CABCOCO1: variants seen among roughly 807,000 people sequenced by gnomAD.
CABCOCO1 encodes ciliary associated calcium binding coiled-coil 1.
CABCOCO1 carries 28 observed loss-of-function variants against 35.7 expected under a neutral mutation model. The ratio of observed to expected loss-of-function variants is 0.78; its 90% CI spans 0.58 to 1.07. The LOEUF is 1.07. CABCOCO1 is among the 50% of genes least tolerant of loss of function. The pLI is 0.00. For missense variants in CABCOCO1, 326 were observed against 309.2 expected, an observed-to-expected ratio of 1.05 and a Z score of -0.41; for synonymous variants, 95 against 100.1, an observed-to-expected ratio of 0.95 and a Z score of 0.30.
At chr10:61,728,529 T>A (rs530772334) in intron 5 of CABCOCO1, among the ~76,000 whole-genome samples, 1 of 152,316 alleles carries the variant, frequency 6.6e-6, no homozygotes, top group East Asian at 1.9e-4. Context: ...TATTATCTCT[T>A]CACATTTATA....
chr10:61,724,069 C>T (rs1427366779), intron 5 of CABCOCO1, among the ~76,000 whole-genome samples: 1 of 151,972 alleles, frequency 6.6e-6, no homozygotes, highest in African/African-American at 2.4e-5. Context: ...AGTCCATTCA[C>T]GAAAGTAAGA....
rs1564532629 is a variant in CABCOCO1 at position 61,680,653 on chromosome 10, TATGTTATACA to T, written c.165-489_165-480del. ...CATGTTATACATATATAATATATAT[TATGTTATACA>T]TGTATAACATATATGTTATACATGT... On this transcript the variant is annotated intron_variant, in intron 2 of 7. Coordinates refer to ENST00000648843, the MANE Select transcript of CABCOCO1 (RefSeq NM_001366906.2). Among the ~76,000 whole-genome samples the T allele has an allele frequency of 7.4e-3, 179 of 24,184 alleles. 6 individuals carry two copies. Among genetic ancestry groups the T allele is most frequent in the South Asian group, 0.026 (12 of 468 alleles). 15.9% of individuals were successfully genotyped at this position (24,184 alleles called of 152,430 possible). A position where few individuals can be genotyped will look rare whatever the true frequency, so the allele number is the denominator to read the frequency against.
chr10:61,732,361 A>G (rs1841323306), intron 5 of CABCOCO1, among the ~76,000 whole-genome samples: 1 of 152,072 alleles, frequency 6.6e-6, no homozygotes, highest in Admixed American at 6.6e-5. Flanking sequence ...ATATGATGCC[A>G]TCAATGTCTA....
Position 61,764,915 on chromosome 10 carries a change from T to C in CABCOCO1, c.817-1024T>C, listed in dbSNP as rs1013274060. Reference sequence around the variant, plus strand: ...AGGCAGCATGGACATGTCACAACTATCTGTTATAGTTACACTCTTGTAAAT... The same window carrying C: ...AGGCAGCATGGACATGTCACAACTACCTGTTATAGTTACACTCTTGTAAAT... On this transcript the variant is annotated intron_variant, in intron 7 of 7. Coordinates refer to ENST00000648843, the MANE Select transcript of CABCOCO1 (RefSeq NM_001366906.2). Among the ~76,000 whole-genome samples, 8 of 152,176 alleles carry C rather than the reference T, an allele frequency of 5.3e-5. No homozygotes were observed. The East Asian group carries it at 5.8e-4, about 11-fold the overall frequency.
At chr10:61,708,349 T>G (rs1478176146) in intron 5 of CABCOCO1, among the ~76,000 whole-genome samples, 2 of 152,022 alleles carry the variant, frequency 1.3e-5, no homozygotes, top group Admixed American at 1.3e-4. Context: ...CAAGGACAAT[T>G]TACTTAACTG....
At chr10:61,684,857 A>T (rs1024504799) in intron 3 of CABCOCO1, 3 of 152,236 alleles carry the variant, frequency 2.0e-5, no homozygotes, top group African/African-American at 7.2e-5. Context: ...ATCTGTCACA[A>T]GTAACACTGA....
intron 1 of CABCOCO1, among the ~76,000 whole-genome samples, chr10:61,668,278 A>G (rs941273391): frequency 3.3e-5 from 5 of 151,986 alleles, no homozygotes; most frequent in African/African-American, 1.2e-4. Context: ...TAATTTTTAC[A>G]TCTGCATTGA....
chr10:61,668,107 C>T (rs531363886), intron 1 of CABCOCO1, among the ~76,000 whole-genome samples: 14 of 151,782 alleles, frequency 9.2e-5, no homozygotes, highest in African/African-American at 3.1e-4. Context: ...TTTAAATAAT[C>T]ATATAATTTG....
At chr10:61,747,495 A>G (rs1459378347) in intron 5 of CABCOCO1, among the ~76,000 whole-genome samples, 1 of 152,140 alleles carries the variant, frequency 6.6e-6, no homozygotes, top group African/African-American at 2.4e-5. Context: ...CAATGATACT[A>G]GCAATCTGAA....
At chr10:61,729,177 C>G (rs906128416) in intron 5 of CABCOCO1, among the ~76,000 whole-genome samples, 1 of 152,154 alleles carries the variant, frequency 6.6e-6, no homozygotes, top group Non-Finnish European at 1.5e-5. Context: ...AACAATACCT[C>G]ATTAACAATG....
At chr10:61,728,692 A>T (rs1206912503) in intron 5 of CABCOCO1, among the ~76,000 whole-genome samples, 1 of 152,160 alleles carries the variant, frequency 6.6e-6, no homozygotes, top group Non-Finnish European at 1.5e-5. Flanking sequence ...ATTTTGACCA[A>T]GCTAAGCTTC....
At chr10:61,703,155 A>G (rs1840502698) in intron 5 of CABCOCO1, among the ~76,000 whole-genome samples, 1 of 151,704 alleles carries the variant, frequency 6.6e-6, no homozygotes, top group African/African-American at 2.4e-5. Flanking sequence ...GATGCAACCT[A>G]CTTTCCCTTA....
chr10:61,679,433 C>T (rs1261535131), intron 2 of CABCOCO1, among the ~76,000 whole-genome samples: 1 of 152,144 alleles, frequency 6.6e-6, no homozygotes, highest in Non-Finnish European at 1.5e-5. Flanking sequence ...GGTGTGCAGG[C>T]TTGGAGCAGA....
intron 5 of CABCOCO1, among the ~76,000 whole-genome samples, chr10:61,694,409 G>A (rs894518277): frequency 1.3e-5 from 2 of 150,618 alleles, no homozygotes; most frequent in Admixed American, 6.7e-5. Flanking sequence ...TTAGTGTGTG[G>A]CATATACAAA....
At chr10:61,720,898 T>C (rs1401373299) in intron 5 of CABCOCO1, among the ~76,000 whole-genome samples, 1 of 149,274 alleles carries the variant, frequency 6.7e-6, no homozygotes, top group Non-Finnish European at 1.5e-5. Flanking sequence ...CCTCTGCTTT[T>C]TCTTCTTTTC....
chr10:61,696,165 TC>T (rs1013663515), intron 5 of CABCOCO1, among the ~76,000 whole-genome samples: 4 of 152,096 alleles, frequency 2.6e-5, no homozygotes, highest in Non-Finnish European at 5.9e-5. Context: ...GGGTTAGTTT[TC>T]TAAGCCCTTC....
chr10:61,718,790 T>C (rs1420821225), intron 5 of CABCOCO1, among the ~76,000 whole-genome samples: 1 of 152,206 alleles, frequency 6.6e-6, no homozygotes, highest in Non-Finnish European at 1.5e-5. Flanking sequence ...ATATATATAT[T>C]ATTTTACCAC....
Position 61,696,746 on chromosome 10 carries a change from T to C in CABCOCO1, c.552+6125T>C, listed in dbSNP as rs939260309. On this transcript the variant is annotated intron_variant, in intron 5 of 7. Transcript: ENST00000648843. Reference sequence around the variant, plus strand: ...ATCTTGAAGTCCTGGCCTCAAGTGATCCTTCAGTTGCAGCCCCCTAAAGTG... The same window carrying C: ...ATCTTGAAGTCCTGGCCTCAAGTGACCCTTCAGTTGCAGCCCCCTAAAGTG... Among the ~76,000 whole-genome samples the C allele has an allele frequency of 3.9e-5, 6 of 152,136 alleles. No homozygotes were observed. In the East Asian group the frequency reaches 1.2e-3, roughly 29 times the overall value.
intron 4 of CABCOCO1, among the ~76,000 whole-genome samples, chr10:61,686,876 C>T (rs1839982187): frequency 6.6e-6 from 1 of 152,154 alleles, no homozygotes; most frequent in African/African-American, 2.4e-5. Flanking sequence ...ATGCATCTCT[C>T]TAAAGGGACA....
Sources: gnomAD v4.1 joint callset for allele counts (sites outside exome capture counted in the v4.1 genomes callset) on GRCh38, gnomAD v4.1.1 for gene constraint, MANE v1.5 for transcripts, NCBI Gene and HGNC (gene_info 2026-07-23, HGNC 2026-07-21) for gene names.